APBA1: variants seen among roughly 807,000 people sequenced by gnomAD.
The protein encoded by APBA1 is amyloid beta precursor protein binding family A member 1.
Under a neutral mutation model 86.6 loss-of-function variants are expected in APBA1, and 55 were observed. That is an observed-to-expected ratio of 0.64 (90% CI 0.51 to 0.80). The LOEUF (loss-of-function observed/expected upper bound fraction) is 0.80. APBA1 is among the 30% of genes least tolerant of loss of function. The pLI is 0.00. For synonymous variants in APBA1, 511 were observed against 493.9 expected, an observed-to-expected ratio of 1.03 and a Z score of -0.46; for missense variants, 1,090 against 1,183.0, an observed-to-expected ratio of 0.92 and a Z score of 1.15.
At chr9:69,498,786 A>T (rs571811147) in intron 2 of APBA1, among the ~76,000 whole-genome samples, 22 of 152,204 alleles carry the variant, frequency 1.4e-4, no homozygotes, top group Non-Finnish European at 2.6e-4. Context: ...TGGCAAAATA[A>T]GGAACAGCAT....
intron 1 of APBA1, among the ~76,000 whole-genome samples, chr9:69,654,942 T>C (rs764052957): frequency 1.1e-4 from 16 of 152,106 alleles, no homozygotes; most frequent in Non-Finnish European, 1.9e-4. Context: ...ATTAACAGAA[T>C]CAAGGGTAAA....
rs749659057 is a variant in APBA1, at chr9:69,666,422, T to G, written c.-70+5731A>C. 2.6e-5 allele frequency among the ~76,000 whole-genome samples: 4 copies of G among 151,570 alleles called. No individual in the cohort carries two copies. In the East Asian group the frequency reaches 7.8e-4, roughly 29 times the overall value. On this transcript the variant is annotated intron_variant, in intron 1 of 12. Transcript: ENST00000265381. ...ACCCACTATCATCAGTCCATTGCTC[T>G]CTCTCTTTTATTCTTCGTCATAGCA...
chr9:69,658,306 CTTTCTT>C (rs771668340), intron 1 of APBA1, among the ~76,000 whole-genome samples: 4,022 of 70,556 alleles, frequency 0.057, 267 homozygotes, highest in African/African-American at 0.09. Flanking sequence ...CTCTCTCTCT[CTTTCTT>C]TCTTTCTTTC....
chr9:69,658,501 C>T (rs955848028), intron 1 of APBA1, among the ~76,000 whole-genome samples: 6 of 151,340 alleles, frequency 4.0e-5, no homozygotes, highest in Admixed American at 1.3e-4. Flanking sequence ...CTCCTGGGTT[C>T]AAGCAATTCT....
chr9:69,605,412 C>T (rs2133977702), intron 1 of APBA1, among the ~76,000 whole-genome samples: 1 of 152,262 alleles, frequency 6.6e-6, no homozygotes, highest in South Asian at 2.1e-4. Context: ...CCTACAAAGC[C>T]AATAATCTGC....
chr9:69,506,038 A>C (rs1197041667), intron 2 of APBA1, among the ~76,000 whole-genome samples: 1 of 150,286 alleles, frequency 6.7e-6, no homozygotes, highest in Admixed American at 6.6e-5. Context: ...AAAAAGAAGA[A>C]AAAAAAAAGA....
chr9:69,466,363 C>T (rs1835280217), intron 5 of APBA1, among the ~76,000 whole-genome samples: 1 of 152,192 alleles, frequency 6.6e-6, no homozygotes, highest in African/African-American at 2.4e-5. Flanking sequence ...AGTCTGGACA[C>T]GTGACTAACG....
chr9:69,611,284 G>T (rs1473390105), intron 1 of APBA1, among the ~76,000 whole-genome samples: 4 of 38,342 alleles, frequency 1.0e-4, no homozygotes, highest in Non-Finnish European at 1.8e-4. Context: ...GACCAGAAAA[G>T]GAAAAAAAAA....
In APBA1 at chr9:69,532,444, C is replaced by T. The variant is rs187255475; in HGVS notation, c.-69-15165G>A. Among the ~76,000 whole-genome samples the T allele has an allele frequency of 1.1e-3, 175 of 152,262 alleles. 2 individuals carry two copies. The East Asian group carries it at 0.025, about 22-fold the overall frequency. Reference sequence around the variant, plus strand: ...CAGGAACCTGACTGGCATGGGAGGTCGCTTCCCGACCACCTGGCACAAATA... The same window carrying T: ...CAGGAACCTGACTGGCATGGGAGGTTGCTTCCCGACCACCTGGCACAAATA... On this transcript the variant is annotated intron_variant, in intron 1 of 12. Coordinates refer to ENST00000265381, the MANE Select transcript of APBA1 (RefSeq NM_001163.4).
chr9:69,491,188 A>G (rs1835704012), intron 2 of APBA1, among the ~76,000 whole-genome samples: 1 of 152,152 alleles, frequency 6.6e-6, no homozygotes, highest in Non-Finnish European at 1.5e-5. Context: ...CACAATAGCA[A>G]AGACTTGGAA....
Position 69,656,885 on chromosome 9 carries a change from C to CCGGACTG in APBA1, c.-70+15261_-70+15267dup, listed in dbSNP as rs553356620. On this transcript the variant is annotated intron_variant, in intron 1 of 12. Coordinates refer to ENST00000265381, the MANE Select transcript of APBA1 (RefSeq NM_001163.4). ...ACGGAGTCTCGCTCTGTCGCCCAGG[C>CCGGACTG]CGGACTGCGGACTGCAGTGGCGCTG... Among the ~76,000 whole-genome samples the CCGGACTG allele has an allele frequency of 5.4e-3, 776 of 142,614 alleles. 7 individuals carry two copies. Among genetic ancestry groups the CCGGACTG allele is most frequent in the African/African-American group, 0.019 (731 of 38,752 alleles). 93.6% of individuals were successfully genotyped at this position (142,614 alleles called of 152,430 possible).
chr9:69,500,360 C>T (rs1835862900), intron 2 of APBA1, among the ~76,000 whole-genome samples: 1 of 152,098 alleles, frequency 6.6e-6, no homozygotes, highest in African/African-American at 2.4e-5. Context: ...ATATAGGACT[C>T]GATATCTGCA....
At chr9:69,602,264 T>A (rs189158266) in intron 1 of APBA1, among the ~76,000 whole-genome samples, 4 of 152,244 alleles carry the variant, frequency 2.6e-5, no homozygotes, top group African/African-American at 7.2e-5. Flanking sequence ...CACATCTTCA[T>A]CACCTCCAAA....
chr9:69,599,000 T>C (rs956359212), intron 1 of APBA1, among the ~76,000 whole-genome samples: 1 of 152,198 alleles, frequency 6.6e-6, no homozygotes. Context: ...ATTCCACCTA[T>C]ATGAGGAAGC....
At chr9:69,450,064 T>TTG (rs1471974715) in intron 9 of APBA1, among the ~76,000 whole-genome samples, 1 of 145,924 alleles carries the variant, frequency 6.9e-6, no homozygotes, top group East Asian at 2.0e-4. Context: ...CAGTTTTTTT[T>TTG]TTTTTTTTTT....
At chr9:69,600,029 C>T (rs1468874236) in intron 1 of APBA1, among the ~76,000 whole-genome samples, 1 of 152,228 alleles carries the variant, frequency 6.6e-6, no homozygotes, top group Admixed American at 6.5e-5. Flanking sequence ...AAGCTGCCCA[C>T]ACTAACTTGC....
At chr9:69,605,749 C>A (rs1000541979) in intron 1 of APBA1, among the ~76,000 whole-genome samples, 8 of 152,160 alleles carry the variant, frequency 5.3e-5, no homozygotes, top group African/African-American at 1.7e-4. Flanking sequence ...CCCAGAGAGT[C>A]CAGAACACGC....
chr9:69,522,389 A>G (rs947099114), intron 1 of APBA1, among the ~76,000 whole-genome samples: 1 of 148,838 alleles, frequency 6.7e-6, no homozygotes, highest in African/African-American at 2.5e-5. Context: ...TCTTCTTTCT[A>G]TCTTAAATCT....
intron 1 of APBA1, among the ~76,000 whole-genome samples, chr9:69,521,531 G>A (rs1836251368): frequency 6.6e-6 from 1 of 152,172 alleles, no homozygotes; most frequent in African/African-American, 2.4e-5. Context: ...CCATTCTAGT[G>A]CACTGGGTCG....
Sources: gnomAD v4.1 joint callset for allele counts (sites outside exome capture counted in the v4.1 genomes callset) on GRCh38, gnomAD v4.1.1 for gene constraint, MANE v1.5 for transcripts, NCBI Gene and HGNC (gene_info 2026-07-23, HGNC 2026-07-21) for gene names.